LYZL1: variants seen among roughly 807,000 people sequenced by gnomAD.
The protein encoded by LYZL1 is lysozyme-like protein 1.
A neutral mutation model predicts 17.9 loss-of-function variants in LYZL1; 16 were observed. That is an observed-to-expected ratio of 0.90 (90% CI 0.61 to 1.36). The LOEUF is 1.36. LYZL1 is among the 40% of genes most tolerant of loss of function. The pLI is 0.00. For missense variants in LYZL1, 149 were observed against 188.4 expected (o/e 0.79, Z 1.22); for synonymous variants, 58 against 71.8 (o/e 0.81, Z 0.97).
rs1835385998 is a variant in LYZL1 at position 29,292,594 on chromosome 10, A to G, written c.215A>G (p.Tyr72Cys). 2 of 1,614,222 alleles carry G rather than the reference A, an allele frequency of 1.2e-6. No homozygotes were observed. Among genetic ancestry groups the G allele is most frequent in the Non-Finnish European group, 1.7e-6 (2 of 1,180,032 alleles). ...QTVLDDGSIDYGIFQINSFAW... is the reference protein window; with the variant it reads ...QTVLDDGSIDCGIFQINSFAW... ...GTCCTGGATGACGGCAGCATCGACTATGGCATCTTCCAGATCAACAGCTTC... is the reference window on the plus strand; with the variant it reads ...GTCCTGGATGACGGCAGCATCGACTGTGGCATCTTCCAGATCAACAGCTTC... Residue 72 changes from tyrosine to cysteine, a missense_variant, in exon 3 of 5, where the codon TAT (tyrosine) becomes TGT (cysteine). Tyr to Cys is a radical substitution (Grantham distance 194). Coordinates refer to ENST00000649382, the MANE Select transcript of LYZL1 (RefSeq NM_032517.6).
chr10:29,313,004 A>C (rs1208286816), downstream of LYZL1, among the ~76,000 whole-genome samples: 3 of 152,182 alleles, frequency 2.0e-5, no homozygotes, highest in African/African-American at 7.2e-5. Context: ...TAACCCTTCA[A>C]TATGCTCTTA....
chr10:29,310,655 C>A (rs1835658615), intron 4 of LYZL1, among the ~76,000 whole-genome samples: 1 of 152,184 alleles, frequency 6.6e-6, no homozygotes, highest in Admixed American at 6.5e-5. Flanking sequence ...AGCATTGAGC[C>A]TGGGGCCTTG....
chr10:29,300,634 T>C (rs1313417211), intron 3 of LYZL1, among the ~76,000 whole-genome samples: 1 of 152,230 alleles, frequency 6.6e-6, no homozygotes, highest in African/African-American at 2.4e-5. Flanking sequence ...TCAATCGATA[T>C]CACTTTCCTT....
intron 3 of LYZL1, among the ~76,000 whole-genome samples, chr10:29,300,083 A>G (rs943919732): frequency 1.3e-5 from 2 of 152,210 alleles, no homozygotes; most frequent in African/African-American, 4.8e-5. Flanking sequence ...TTACAGAAAC[A>G]GGAGGTTTTC....
At chr10:29,313,181 T>A (rs1239855778), downstream of LYZL1, among the ~76,000 whole-genome samples, 1 of 152,210 alleles carries the variant, frequency 6.6e-6, no homozygotes, top group African/African-American at 2.4e-5. Flanking sequence ...ACAGGCATTA[T>A]AAACCCTGAG....
chr10:29,289,621 G>C (rs561596766), intron 1 of LYZL1, among the ~76,000 whole-genome samples: 3 of 151,552 alleles, frequency 2.0e-5, no homozygotes, highest in African/African-American at 7.3e-5. Flanking sequence ...GTCTACCTTT[G>C]CTGCCCAGGC....
chr10:29,289,496 A>G (rs980271865), intron 1 of LYZL1, among the ~76,000 whole-genome samples: 3 of 141,486 alleles, frequency 2.1e-5, no homozygotes, highest in Non-Finnish European at 4.5e-5. Context: ...ATGGCTCACT[A>G]TGGCCTCAAA....
downstream of LYZL1, among the ~76,000 whole-genome samples, chr10:29,312,591 A>G (rs1182676756): frequency 6.6e-6 from 1 of 152,192 alleles, no homozygotes; most frequent in Non-Finnish European, 1.5e-5. Context: ...TGCAGATTTT[A>G]TTCGTATGGC....
At chr10:29,303,289 C>A (rs1450468201) in intron 3 of LYZL1, among the ~76,000 whole-genome samples, 3 of 152,160 alleles carry the variant, frequency 2.0e-5, no homozygotes, top group Admixed American at 2.0e-4. Flanking sequence ...AGATGGCCAT[C>A]CCCTGCCTGG....
intron 3 of LYZL1, among the ~76,000 whole-genome samples, chr10:29,295,363 G>A (rs1835433804): frequency 6.6e-6 from 1 of 152,102 alleles, no homozygotes; most frequent in South Asian, 2.1e-4. Context: ...TCTCATCTCT[G>A]GTTTCTTATC....
At chr10:29,295,480 G>A (rs1835435164) in intron 3 of LYZL1, among the ~76,000 whole-genome samples, 1 of 152,166 alleles carries the variant, frequency 6.6e-6, no homozygotes, top group Non-Finnish European at 1.5e-5. Context: ...CACCAATGGA[G>A]TCTTTCAGTT....
intron 3 of LYZL1, among the ~76,000 whole-genome samples, chr10:29,297,008 T>C (rs1159690154): frequency 6.6e-6 from 1 of 150,976 alleles, no homozygotes; most frequent in African/African-American, 2.4e-5. Flanking sequence ...AAACTTCAAA[T>C]TCAGAAAACT....
intron 3 of LYZL1, among the ~76,000 whole-genome samples, chr10:29,307,429 C>T (rs1257621955): frequency 6.6e-6 from 1 of 152,198 alleles, no homozygotes; most frequent in Non-Finnish European, 1.5e-5. Context: ...ATGCTGCTGC[C>T]AATGTCAGCA....
At chr10:29,290,085 A>C (rs551081794) in intron 1 of LYZL1, among the ~76,000 whole-genome samples, 2 of 152,228 alleles carry the variant, frequency 1.3e-5, no homozygotes, top group African/African-American at 4.8e-5. Flanking sequence ...CTTGCTGATG[A>C]CTACTTATCC....
At chr10:29,306,505 C>CCGCCACT (rs1564393034) in intron 3 of LYZL1, among the ~76,000 whole-genome samples, 1 of 128,772 alleles carries the variant, frequency 7.8e-6, no homozygotes, top group Non-Finnish European at 1.6e-5. Flanking sequence ...AGCCGAGATC[C>CCGCCACT]CGCCACTGCA....
At chr10:29,317,187 C>T (rs543319351) in intron 3 of LYZL1, 1 of 152,282 alleles carries the variant, frequency 6.6e-6, no homozygotes, top group African/African-American at 2.4e-5. Flanking sequence ...GATTCACTTC[C>T]TCTCTCCCCT....
intron 3 of LYZL1, among the ~76,000 whole-genome samples, chr10:29,294,165 T>A (rs1404694734): frequency 1.3e-5 from 2 of 151,950 alleles, no homozygotes; most frequent in African/African-American, 2.4e-5. Context: ...GGGAGAGGCT[T>A]GTTTTTTCTG....
In LYZL1 at chr10:29,316,461, T is replaced by C. The variant is rs151124189; in HGVS notation, c.*-849T>C. Among the ~76,000 whole-genome samples the C allele has an allele frequency of 1.9e-3, 288 of 152,290 alleles. 2 individuals are homozygous for C. The highest frequency in any genetic ancestry group is 0.012 in the East Asian group (63 of 5,180). On this transcript the variant is annotated intron_variant and NMD_transcript_variant, in intron 3 of 4. Transcript: ENST00000494304. ...CAACGAATCTTTCTTTACACCAGGCTGCAGTTTGCACAGTTTTTACCACTG... is the reference window on the plus strand; with the variant it reads ...CAACGAATCTTTCTTTACACCAGGCCGCAGTTTGCACAGTTTTTACCACTG...
chr10:29,312,595 G>T (rs761773114), downstream of LYZL1, among the ~76,000 whole-genome samples: 1 of 152,094 alleles, frequency 6.6e-6, no homozygotes, highest in Non-Finnish European at 1.5e-5. Context: ...GATTTTATTC[G>T]TATGGCTAGG....
Sources: allele counts gnomAD v4.1 joint callset (sites outside exome capture counted in the v4.1 genomes callset), GRCh38; gene constraint gnomAD v4.1.1; transcripts MANE v1.5; gene names NCBI Gene and HGNC (gene_info 2026-07-23, HGNC 2026-07-21).